The following FBXO8 variants were observed in gnomAD, a reference collection of about 807,000 sequenced individuals.
The protein encoded by FBXO8 is F-box protein 8.
Under a neutral mutation model 33.4 loss-of-function variants are expected in FBXO8, and 15 were observed. The ratio of observed to expected loss-of-function variants is 0.45; its 90% CI spans 0.30 to 0.69. The LOEUF is 0.69. FBXO8 is among the 30% of genes least tolerant of loss of function. FBXO8 has a pLI of 0.08. For synonymous variants in FBXO8, 132 were observed against 131.5 expected (o/e 1.00, Z -0.02); for missense variants, 274 against 380.3 (o/e 0.72, Z 2.32).
At position 174,261,322 on chromosome 4, in the gene FBXO8, G is replaced by C. The variant is rs889271267; in HGVS notation, c.329+1442C>G. 1.4e-4 allele frequency among the ~76,000 whole-genome samples: 21 copies of C among 151,526 alleles called. No homozygotes were observed. The highest frequency in any genetic ancestry group is 5.1e-4 in the African/African-American group (21 of 41,290). On this transcript the variant is annotated intron_variant, in intron 2 of 5. Coordinates refer to ENST00000393674, the MANE Select transcript of FBXO8 (RefSeq NM_012180.3). The surrounding 1 kb of genome is among the most constrained non-coding windows in gnomAD (Gnocchi z 4.1). ...TCAAATAGAAGCAATTTATTATTAA[G>C]GAAAAAATCCAAGTATTATAAAAAT... is the stretch of plus-strand genomic sequence containing the variant.
At chr4:174,264,233 C>G (rs892621890) in intron 1 of FBXO8, among the ~76,000 whole-genome samples, 2 of 151,900 alleles carry the variant, frequency 1.3e-5, no homozygotes, top group African/African-American at 4.8e-5. Context: ...TAAGTACTAA[C>G]AAAAACAAAA....
At position 174,281,664 on chromosome 4, in the gene FBXO8, C is replaced by T. The variant is rs1472873687; in HGVS notation, c.-9+1746G>A. 6.6e-6 allele frequency among the ~76,000 whole-genome samples: 1 copy of T among 152,140 alleles called. No individual in the cohort carries two copies. The highest frequency in any genetic ancestry group is 2.4e-5 in the African/African-American group (1 of 41,432). On this transcript the variant is annotated intron_variant, in intron 1 of 5. Transcript: ENST00000393674. The surrounding 1 kb of genome is among the most constrained non-coding windows in gnomAD (Gnocchi z 4.6). ...TCTTGTTCGCACCACTGCACTCCAG[C>T]CTGGGCAACAGAATAAAAATCTGTC...
rs1042921696 is a variant in FBXO8, at chr4:174,281,806, A to C, written c.-9+1604T>G. 6.6e-6 allele frequency among the ~76,000 whole-genome samples: 1 copy of C among 152,256 alleles called. No homozygotes were observed. Among genetic ancestry groups the C allele is most frequent in the Non-Finnish European group, 1.5e-5 (1 of 68,040 alleles). Reference sequence around the variant, plus strand: ...TCAGAAAAACAAAACAATGAGAGCAAAACGAAAAAGAAATAGTGAACATAA... The same window carrying C: ...TCAGAAAAACAAAACAATGAGAGCACAACGAAAAAGAAATAGTGAACATAA... On this transcript the variant is annotated intron_variant, in intron 1 of 5. Transcript: ENST00000393674. This position sits in a 1 kb window ranked among gnomAD's most constrained non-coding sequence, Gnocchi z 4.6.
rs904901138 is a variant in FBXO8 at position 174,265,457 on chromosome 4, T to C, written c.-8-2357A>G. 3.3e-5 allele frequency among the ~76,000 whole-genome samples: 5 copies of C among 152,290 alleles called. No homozygotes were observed. In the South Asian group the frequency reaches 1.0e-3, roughly 32 times the overall value. On this transcript the variant is annotated intron_variant, in intron 1 of 5. Transcript: ENST00000393674. This position sits in a 1 kb window ranked among gnomAD's most constrained non-coding sequence, Gnocchi z 4.7. ...CTGTAAGCAACTACGATGTACTTCA[T>C]TATGCGAATGTATAAATAAGCTGTG... is the stretch of plus-strand genomic sequence containing the variant.
At position 174,281,885 on chromosome 4, in the gene FBXO8, A is replaced by C. The variant is rs2126454988; in HGVS notation, c.-9+1525T>G. On this transcript the variant is annotated intron_variant, in intron 1 of 5. Transcript: ENST00000393674. This position sits in a 1 kb window ranked among gnomAD's most constrained non-coding sequence, Gnocchi z 4.6. ...AATTGTTTAAAAAATTATTTAAGTA[A>C]AATAATTCAAGAAAAAGAAACAGAA... Among the ~76,000 whole-genome samples the C allele has an allele frequency of 6.6e-6, 1 of 152,344 alleles. No individual in the cohort carries two copies. The highest frequency in any genetic ancestry group is 2.1e-4 in the South Asian group (1 of 4,826).
At chr4:174,242,093 A>G (rs1736053303) in intron 3 of FBXO8, among the ~76,000 whole-genome samples, 1 of 151,536 alleles carries the variant, frequency 6.6e-6, no homozygotes, top group Non-Finnish European at 1.5e-5. Flanking sequence ...GTTTATTTCA[A>G]CTTGCGGTTA....
chr4:174,256,058 A>G lies in FBXO8; in HGVS notation c.456+3641T>C. The G allele has an allele frequency of 2.2e-6, 1 of 455,864 alleles. No homozygotes were observed. The highest frequency in any genetic ancestry group is 4.4e-6 in the Non-Finnish European group (1 of 226,778). 28.2% of individuals were successfully genotyped at this position (455,864 alleles called of 1,614,324 possible). A position where few individuals can be genotyped will look rare whatever the true frequency, so the allele number is the denominator to read the frequency against. Reference sequence around the variant, plus strand: ...CTGTGCAGATGTTCTCCCCCACCCCATGAGCCACTGCCAGCAGCTGCTGTG... The same window carrying G: ...CTGTGCAGATGTTCTCCCCCACCCCGTGAGCCACTGCCAGCAGCTGCTGTG... On this transcript the variant is annotated intron_variant, in intron 3 of 5. Coordinates refer to ENST00000393674, the MANE Select transcript of FBXO8 (RefSeq NM_012180.3). The surrounding 1 kb of genome is among the most constrained non-coding windows in gnomAD (Gnocchi z 4.6).
At chr4:174,246,412 C>G (rs1271333128) in intron 3 of FBXO8, among the ~76,000 whole-genome samples, 4 of 151,886 alleles carry the variant, frequency 2.6e-5, no homozygotes, top group Admixed American at 2.0e-4. Context: ...AGTTTGGTGA[C>G]TGGGAGGAAA....
In FBXO8 at chr4:174,270,742, G is replaced by A. The variant is rs377145395; in HGVS notation, c.-8-7642C>T. Among the ~76,000 whole-genome samples, 18 of 151,514 alleles carry A rather than the reference G, an allele frequency of 1.2e-4. No individual in the cohort carries two copies. Among genetic ancestry groups the A allele is most frequent in the Middle Eastern group, 3.4e-3 (1 of 294 alleles). On this transcript the variant is annotated intron_variant, in intron 1 of 5. Coordinates refer to ENST00000393674, the MANE Select transcript of FBXO8 (RefSeq NM_012180.3). This position sits in a 1 kb window ranked among gnomAD's most constrained non-coding sequence, Gnocchi z 4.6. ...AGTGATTCTCCTGTCTCAGCCTCCC[G>A]AGTGCTGGGATTACAGGCACCTGCC...
At chr4:174,260,172 G>A (rs1736517335) in intron 2 of FBXO8, among the ~76,000 whole-genome samples, 1 of 151,794 alleles carries the variant, frequency 6.6e-6, no homozygotes, top group Admixed American at 6.6e-5. Context: ...TATTTTAATT[G>A]GATTAGCCTG....
At position 174,281,404 on chromosome 4, in the gene FBXO8, A is replaced by G. The variant is rs1457877836; in HGVS notation, c.-9+2006T>C. Among the ~76,000 whole-genome samples the G allele has an allele frequency of 6.6e-6, 1 of 152,242 alleles. No homozygotes were observed. The highest frequency in any genetic ancestry group is 1.5e-5 in the Non-Finnish European group (1 of 68,042). On this transcript the variant is annotated intron_variant, in intron 1 of 5. Transcript: ENST00000393674. The surrounding 1 kb of genome is among the most constrained non-coding windows in gnomAD (Gnocchi z 4.6). Reference sequence around the variant, plus strand: ...ACAAATATTTTTATCTTATATTGCTATAAAGTACTTGCACCAGCACAGTGG... The same window carrying G: ...ACAAATATTTTTATCTTATATTGCTGTAAAGTACTTGCACCAGCACAGTGG...
intron 4 of FBXO8, 93 bp from the exon 5 acceptor site, chr4:174,239,283 T>C (rs1372144713): frequency 4.1e-6 from 3 of 736,450 alleles, no homozygotes; most frequent in Non-Finnish European, 6.3e-6. Flanking sequence ...TTGGATAAAA[T>C]ACCTTATTAC....
chr4:174,249,767 C>G (rs1030325238), intron 3 of FBXO8, among the ~76,000 whole-genome samples: 2 of 151,838 alleles, frequency 1.3e-5, no homozygotes, highest in African/African-American at 4.8e-5. Context: ...CTAATTATTG[C>G]TTAAATGTCA....
intron 1 of FBXO8, among the ~76,000 whole-genome samples, chr4:174,279,188 T>G (rs1737018112): frequency 6.6e-6 from 1 of 151,828 alleles, no homozygotes; most frequent in African/African-American, 2.4e-5. Context: ...AGACATAAAG[T>G]CAAGACACAG....
At chr4:174,243,073 C>T (rs1736077526) in intron 3 of FBXO8, among the ~76,000 whole-genome samples, 1 of 151,498 alleles carries the variant, frequency 6.6e-6, no homozygotes, top group African/African-American at 2.4e-5. Flanking sequence ...GTTACATAAT[C>T]TATGCCACTT....
At chr4:174,271,239 GAAAGACAGAGGATAGTCTGC>G (rs1309142864) in intron 1 of FBXO8, among the ~76,000 whole-genome samples, 1 of 152,192 alleles carries the variant, frequency 6.6e-6, no homozygotes, top group Non-Finnish European at 1.5e-5. Flanking sequence ...GCCATGTAGA[GAAAGACAGAGGATAGTCTGC>G]AATCGTATGG....
At chr4:174,240,478 T>G (rs1411167568) in intron 4 of FBXO8, among the ~76,000 whole-genome samples, 1 of 151,830 alleles carries the variant, frequency 6.6e-6, no homozygotes, top group Non-Finnish European at 1.5e-5. Flanking sequence ...AAATGGTAGT[T>G]CAGTTATGTG....
chr4:174,243,825 G>A (rs1236196661), intron 3 of FBXO8, among the ~76,000 whole-genome samples: 2 of 150,824 alleles, frequency 1.3e-5, no homozygotes, highest in Admixed American at 6.6e-5. Context: ...TATATATATA[G>A]TATTCTAAAG....
Position 174,252,987 on chromosome 4 carries a change from C to T in FBXO8, c.456+6712G>A, listed in dbSNP as rs529392568. Among the ~76,000 whole-genome samples, 45 of 152,040 alleles carry T rather than the reference C, an allele frequency of 3.0e-4. No individual in the cohort carries two copies. Among genetic ancestry groups the T allele is most frequent in the African/African-American group, 8.4e-4 (35 of 41,508 alleles). On this transcript the variant is annotated intron_variant, in intron 3 of 5. Transcript: ENST00000393674. This position sits in a 1 kb window ranked among gnomAD's most constrained non-coding sequence, Gnocchi z 5.1. ...CTCTGTCTCAAGAAAAATAAAAAAT[C>T]TAAAAAATCTTTCTCTATACACATA...
Sources: gnomAD v4.1 joint callset for allele counts (sites outside exome capture counted in the v4.1 genomes callset) on GRCh38, gnomAD v4.1.1 for gene constraint, Gnocchi (gnomAD v3.1) non-coding constraint, MANE v1.5 for transcripts, NCBI Gene and HGNC (gene_info 2026-07-23, HGNC 2026-07-21) for gene names.